SASH1: variants seen among roughly 807,000 people sequenced by gnomAD.
SASH1 encodes the protein SAM and SH3 domain containing 1, also known as SAM and SH3 domain-containing protein 1.
A neutral mutation model predicts 125.2 loss-of-function variants in SASH1; 44 were observed. That is an observed-to-expected ratio of 0.35 (90% confidence interval 0.28 to 0.45). SASH1 has a LOEUF of 0.45. SASH1 is among the 20% of genes least tolerant of loss of function. The pLI is 1.00. For synonymous variants in SASH1, 639 were observed against 649.1 expected (o/e 0.98, Z 0.24); for missense variants, 1,426 against 1,614.5 (o/e 0.88, Z 2.00).
chr6:148,408,994 C>T (rs1784488693), intron 2 of SASH1, among the ~76,000 whole-genome samples: 1 of 152,228 alleles, frequency 6.6e-6, no homozygotes, highest in African/African-American at 2.4e-5. Flanking sequence ...GCTACATTCA[C>T]CTGCTATGCT....
At chr6:148,446,581 AG>A (rs1419165852) in intron 4 of SASH1, among the ~76,000 whole-genome samples, 1 of 152,206 alleles carries the variant, frequency 6.6e-6, no homozygotes, top group Non-Finnish European at 1.5e-5. Flanking sequence ...CATTCAAGGA[AG>A]CCAACTGTAG....
At chr6:148,452,131 G>A (rs900381447) in intron 4 of SASH1, among the ~76,000 whole-genome samples, 19 of 152,316 alleles carry the variant, frequency 1.2e-4, no homozygotes, top group African/African-American at 4.1e-4. Flanking sequence ...ATCATTATTT[G>A]TTTTTTCAGG....
At chr6:148,528,045 A>G (rs1781299041) in intron 12 of SASH1, among the ~76,000 whole-genome samples, 1 of 151,156 alleles carries the variant, frequency 6.6e-6, no homozygotes, top group Admixed American at 6.6e-5. Flanking sequence ...CTAGAAGCAC[A>G]TAGCCAGTCT....
chr6:148,537,059 A>G (rs1027769184), intron 16 of SASH1, among the ~76,000 whole-genome samples: 2 of 152,256 alleles, frequency 1.3e-5, no homozygotes, highest in African/African-American at 4.8e-5. Flanking sequence ...TTTACATCCA[A>G]TACAGTTAAA....
chr6:148,440,318 C>T (rs1379737501), intron 3 of SASH1, 40 bp from the exon 4 acceptor site: 1 of 1,609,892 alleles, frequency 6.2e-7, no homozygotes, highest in African/African-American at 1.3e-5. Context: ...ATGAAGCCTG[C>T]TGCTCTGACC....
chr6:148,500,981 T>C (rs1779536820), intron 8 of SASH1, among the ~76,000 whole-genome samples: 2 of 152,182 alleles, frequency 1.3e-5, no homozygotes, highest in South Asian at 4.1e-4. Context: ...TTCTTCAATT[T>C]GGAACTTGAA....
chr6:148,265,171 A>G, the SASH1 span, among the ~76,000 whole-genome samples: 2 of 152,200 alleles, frequency 1.3e-5, no homozygotes, highest in African/African-American at 4.8e-5. Context: ...TAAGGCAGAC[A>G]TGACGGCACA....
At chr6:148,197,786 T>C in the SASH1 span, among the ~76,000 whole-genome samples, 2 of 152,230 alleles carry the variant, frequency 1.3e-5, no homozygotes, top group Admixed American at 6.5e-5. Flanking sequence ...GATTGGATCA[T>C]AGGGTGGTTT....
chr6:148,468,760 T>G (rs915356818), intron 5 of SASH1, 175 bp downstream of exon 5: 10 of 538,198 alleles, frequency 1.9e-5, no homozygotes, highest in Middle Eastern at 4.6e-4. Flanking sequence ...AAAATATAAT[T>G]GTGATCATAT....
At chr6:148,513,825 C>T (rs951075972) in intron 8 of SASH1, 1 of 986,348 alleles carries the variant, frequency 1.0e-6, no homozygotes. Context: ...CTGTTTGCAT[C>T]TCTTTCCCTT....
chr6:148,454,794 C>G (rs949344170), intron 4 of SASH1, among the ~76,000 whole-genome samples: 6 of 152,158 alleles, frequency 3.9e-5, no homozygotes, highest in African/African-American at 1.4e-4. Flanking sequence ...TCAAGCCTTT[C>G]TTTATTTTGC....
chr6:148,308,275 C>A (rs922896981), intron 1 of SASH1, among the ~76,000 whole-genome samples: 10 of 85,506 alleles, frequency 1.2e-4, no homozygotes, highest in Admixed American at 1.2e-4. Flanking sequence ...ATTAAATCCG[C>A]CCCCCCCAAA....
At chr6:148,502,749 GGGGT>G (rs966508203) in intron 8 of SASH1, among the ~76,000 whole-genome samples, 1 of 152,004 alleles carries the variant, frequency 6.6e-6, no homozygotes, top group Admixed American at 6.6e-5. Flanking sequence ...AGGTTGGGAT[GGGGT>G]GGGTGGGAGA....
chr6:148,505,704 C>A (rs1303279760), intron 8 of SASH1, among the ~76,000 whole-genome samples: 3 of 150,236 alleles, frequency 2.0e-5, no homozygotes, highest in Non-Finnish European at 3.0e-5. Context: ...GTGGCATGAT[C>A]TCAGCTCACT....
chr6:148,194,697 G>A, the SASH1 span, among the ~76,000 whole-genome samples: 1 of 152,210 alleles, frequency 6.6e-6, no homozygotes, highest in African/African-American at 2.4e-5. Flanking sequence ...CACGAGGTCA[G>A]GAGATCGAGA....
At chr6:148,271,393 A>C (rs1779059132), upstream of SASH1, among the ~76,000 whole-genome samples, 1 of 152,192 alleles carries the variant, frequency 6.6e-6, no homozygotes, top group African/African-American at 2.4e-5. Context: ...ATTTTAAAGA[A>C]TAGACTGTTT....
At chr6:148,459,784 A>T (rs1205844446) in intron 4 of SASH1, among the ~76,000 whole-genome samples, 4 of 152,230 alleles carry the variant, frequency 2.6e-5, no homozygotes, top group Non-Finnish European at 5.9e-5. Context: ...GTAAAGTAAA[A>T]GTCACAACAG....
At chr6:148,509,714 G>C (rs1006571961) in intron 8 of SASH1, among the ~76,000 whole-genome samples, 4 of 152,334 alleles carry the variant, frequency 2.6e-5, no homozygotes, top group African/African-American at 9.6e-5. Context: ...ATCTGTTACC[G>C]ACCAGCAGTG....
intron 2 of SASH1, among the ~76,000 whole-genome samples, chr6:148,397,371 A>G (rs948169836): frequency 2.0e-5 from 3 of 152,150 alleles, no homozygotes; most frequent in African/African-American, 7.2e-5. Flanking sequence ...CTGTAGTCCC[A>G]GCTACTTGGA....
Sources: gnomAD v4.1 joint callset for allele counts (sites outside exome capture counted in the v4.1 genomes callset) on GRCh38, gnomAD v4.1.1 for gene constraint, MANE v1.5 for transcripts, NCBI Gene and HGNC (gene_info 2026-07-23, HGNC 2026-07-21) for gene names.